The following PPP1R9A variants were observed in gnomAD, a reference collection of about 807,000 sequenced individuals.
The protein encoded by PPP1R9A is protein phosphatase 1 regulatory subunit 9A.
In PPP1R9A, 59 loss-of-function variants were observed where a neutral mutation model predicts 141.9. The observed-to-expected ratio is 0.42, with a 90% CI of 0.34 to 0.52. The LOEUF (loss-of-function observed/expected upper bound fraction) is 0.52, where lower values mean the gene tolerates loss of function less well. Among genes scored for constraint, PPP1R9A ranks in the 20% least tolerant of loss-of-function variants. PPP1R9A has a pLI of 0.10. For missense variants in PPP1R9A, 1,444 were observed against 1,611.9 expected (o/e 0.90, Z 1.78); for synonymous variants, 500 against 569.7 (o/e 0.88, Z 1.74).
chr7:94,961,966 G>C (rs1267659250), intron 2 of PPP1R9A, among the ~76,000 whole-genome samples: 1 of 151,698 alleles, frequency 6.6e-6, no homozygotes, highest in Non-Finnish European at 1.5e-5. Context: ...GAAATGTATT[G>C]AATCTACTTT....
chr7:95,042,203 T>C (rs1364719885), intron 2 of PPP1R9A, among the ~76,000 whole-genome samples: 1 of 152,120 alleles, frequency 6.6e-6, no homozygotes, highest in African/African-American at 2.4e-5. Flanking sequence ...AAATATTCCG[T>C]TTTCCAGGAG....
intron 2 of PPP1R9A, among the ~76,000 whole-genome samples, chr7:95,009,933 A>G (rs1804177053): frequency 6.6e-6 from 1 of 152,162 alleles, no homozygotes; most frequent in Non-Finnish European, 1.5e-5. Flanking sequence ...TGATTATAAT[A>G]AAAATGGAAC....
At chr7:95,183,252 G>C (rs140205903) in intron 5 of PPP1R9A, among the ~76,000 whole-genome samples, 3 of 148,912 alleles carry the variant, frequency 2.0e-5, no homozygotes, top group Admixed American at 1.3e-4. Context: ...ATTCTCCTGC[G>C]TCACCCTCCC....
At chr7:95,108,169 C>T (rs1189630491) in intron 2 of PPP1R9A, among the ~76,000 whole-genome samples, 1 of 151,938 alleles carries the variant, frequency 6.6e-6, no homozygotes, top group African/African-American at 2.4e-5. Flanking sequence ...ATAACGACTT[C>T]TGGCTTTTCT....
chr7:95,118,776 GC>G (rs1348404836), intron 3 of PPP1R9A, among the ~76,000 whole-genome samples: 3 of 146,074 alleles, frequency 2.1e-5, no homozygotes, highest in Non-Finnish European at 4.5e-5. Context: ...GTTGAGACCA[GC>G]CTGGGCAACA....
intron 12 of PPP1R9A, among the ~76,000 whole-genome samples, chr7:95,266,971 T>C (rs1408908227): frequency 6.6e-6 from 1 of 152,138 alleles, no homozygotes; most frequent in Admixed American, 6.6e-5. Context: ...AAGAGACTGC[T>C]AATTAGAAAA....
intron 2 of PPP1R9A, among the ~76,000 whole-genome samples, chr7:95,033,942 A>G (rs1397194998): frequency 2.6e-5 from 4 of 152,124 alleles, no homozygotes; most frequent in African/African-American, 9.7e-5. Flanking sequence ...AAATATTCAT[A>G]TCTCATAAAG....
Position 95,269,387 on chromosome 7 carries a change from G to A in PPP1R9A, c.3004G>A (p.Gly1002Arg). ...FQEEPLDPEM[G>R]PLSSMWGDTS... is the part of the protein sequence containing the mutation. ...AGAAGAACCACTGGACCCAGAAATG[G>A]GGCCTCTCTCCTCTATGTGGGGAGA... Residue 1002 changes from glycine (G) to arginine (R), a missense_variant, in exon 14 of 20, where the codon GGG (glycine) becomes AGG (arginine). Gly to Arg is a moderately radical substitution (Grantham distance 125). Coordinates refer to ENST00000433360, the MANE Select transcript of PPP1R9A (RefSeq NM_001166160.2). 1.3e-6 allele frequency: 2 copies of A among 1,597,372 alleles called. No individual in the cohort carries two copies. Among genetic ancestry groups the A allele is most frequent in the Non-Finnish European group, 8.5e-7 (1 of 1,178,728 alleles).
intron 8 of PPP1R9A, among the ~76,000 whole-genome samples, chr7:95,239,355 G>A (rs1797130635): frequency 6.6e-6 from 1 of 152,140 alleles, no homozygotes; most frequent in Non-Finnish European, 1.5e-5. Flanking sequence ...AAACACCAGT[G>A]TATAAGTGTG....
intron 3 of PPP1R9A, 143 bp downstream of exon 3, chr7:95,111,534 A>C: frequency 1.1e-6 from 1 of 898,566 alleles, no homozygotes; most frequent in South Asian, 1.9e-5. Context: ...TTTCAAAAAT[A>C]GTTGATATGG....
chr7:95,161,753 CAA>C, intron 4 of PPP1R9A, 112 bp from the exon 5 acceptor site: 5 of 669,070 alleles, frequency 7.5e-6, no homozygotes, highest in Non-Finnish European at 1.2e-5. Flanking sequence ...GATTTTGGAT[CAA>C]AAAGAGTATC....
At chr7:95,034,534 G>A (rs1808172054) in intron 2 of PPP1R9A, among the ~76,000 whole-genome samples, 1 of 151,960 alleles carries the variant, frequency 6.6e-6, no homozygotes, top group Non-Finnish European at 1.5e-5. Context: ...CACATTTTTA[G>A]TAGACACAGG....
At chr7:95,255,258 G>A (rs145240692) in intron 12 of PPP1R9A, among the ~76,000 whole-genome samples, 120 of 152,158 alleles carry the variant, frequency 7.9e-4, no homozygotes, top group African/African-American at 2.8e-3. Flanking sequence ...AGTTTTATTG[G>A]ATTTCCTAGA....
chr7:94,942,011 T>C (rs1157932652), intron 2 of PPP1R9A, among the ~76,000 whole-genome samples: 1 of 152,116 alleles, frequency 6.6e-6, no homozygotes, highest in Non-Finnish European at 1.5e-5. Context: ...ATGAAATATA[T>C]ATATGAAGGG....
chr7:94,946,976 T>C (rs2150994743), intron 2 of PPP1R9A, among the ~76,000 whole-genome samples: 1 of 152,336 alleles, frequency 6.6e-6, no homozygotes, highest in Admixed American at 6.5e-5. Context: ...TTATGAATTT[T>C]GCATTCTATT....
intron 3 of PPP1R9A, among the ~76,000 whole-genome samples, chr7:95,116,508 A>G (rs897596452): frequency 6.6e-6 from 1 of 152,180 alleles, no homozygotes; most frequent in African/African-American, 2.4e-5. Flanking sequence ...CAAAATATTT[A>G]TTACTAAGAA....
chr7:95,033,306 T>A (rs377178535), intron 2 of PPP1R9A, among the ~76,000 whole-genome samples: 4 of 151,300 alleles, frequency 2.6e-5, no homozygotes, highest in Non-Finnish European at 4.4e-5. Flanking sequence ...GAGCCACCGC[T>A]CCTGGCCTAA....
At chr7:95,111,580 C>T (rs570166858) in intron 3 of PPP1R9A, among the ~76,000 whole-genome samples, 189 bp downstream of exon 3, 171 of 151,970 alleles carry the variant, frequency 1.1e-3, no homozygotes, top group Non-Finnish European at 2.1e-3. Context: ...GTTTTACTCC[C>T]AACTGAAACC....
chr7:94,967,956 G>A (rs1187573872), intron 2 of PPP1R9A, among the ~76,000 whole-genome samples: 1 of 152,148 alleles, frequency 6.6e-6, no homozygotes, highest in East Asian at 1.9e-4. Flanking sequence ...TTCAAGTCCT[G>A]AATATCCTTG....
Sources: gnomAD v4.1 joint callset for allele counts (sites outside exome capture counted in the v4.1 genomes callset) on GRCh38, gnomAD v4.1.1 for gene constraint, MANE v1.5 for transcripts, NCBI Gene and HGNC (gene_info 2026-07-23, HGNC 2026-07-21) for gene names.